STK31: variants seen among roughly 807,000 people sequenced by gnomAD.
The protein encoded by STK31 is serine/threonine-protein kinase 31.
STK31 carries 89 observed loss-of-function variants against 129.7 expected under a neutral mutation model. The ratio of observed to expected loss-of-function variants is 0.69; its 90% CI spans 0.58 to 0.82. The LOEUF is 0.82. Ranked by LOEUF, STK31 falls within the 40% of genes least tolerant of loss-of-function variation. The pLI, the probability that STK31 is intolerant of heterozygous loss-of-function variation, is 0.00. For synonymous variants in STK31, 448 were observed against 395.3 expected (o/e 1.13, Z -1.58); for missense variants, 1,187 against 1,176.4 (o/e 1.01, Z -0.13).
chr7:23,785,250 TA>T (rs1031898738), intron 17 of STK31, among the ~76,000 whole-genome samples: 24 of 152,142 alleles, frequency 1.6e-4, no homozygotes, highest in African/African-American at 5.3e-4. Flanking sequence ...GAATCTGTTC[TA>T]AAATTATAGC....
chr7:23,774,191 A>G (rs771101140), intron 15 of STK31, among the ~76,000 whole-genome samples: 3 of 152,120 alleles, frequency 2.0e-5, no homozygotes, highest in African/African-American at 4.8e-5. Context: ...TTGATGGGCA[A>G]CTGGGTTTGT....
chr7:23,730,438 C>T (rs924324936), intron 6 of STK31, among the ~76,000 whole-genome samples: 20 of 151,936 alleles, frequency 1.3e-4, no homozygotes, highest in Non-Finnish European at 2.2e-4. Flanking sequence ...AAAATTACAC[C>T]CCAAGTTTCT....
intron 8 of STK31, among the ~76,000 whole-genome samples, chr7:23,742,880 G>C (rs1426406575): frequency 6.6e-6 from 1 of 150,384 alleles, no homozygotes; most frequent in Non-Finnish European, 1.5e-5. Flanking sequence ...GGTTTGGTGT[G>C]TTTCTGTAGT....
At chr7:23,804,043 T>C (rs1025135659) in intron 22 of STK31, among the ~76,000 whole-genome samples, 10 of 152,156 alleles carry the variant, frequency 6.6e-5, no homozygotes, top group Admixed American at 2.0e-4. Flanking sequence ...AGAAGTTGAA[T>C]ATAAAGAAGA....
At chr7:23,802,779 G>A (rs1457744663) in intron 22 of STK31, among the ~76,000 whole-genome samples, 1 of 152,178 alleles carries the variant, frequency 6.6e-6, no homozygotes, top group Non-Finnish European at 1.5e-5. Flanking sequence ...CTCTCAAAGT[G>A]CTGGGATTAC....
chr7:23,731,523 A>T (rs1403223936), intron 6 of STK31, among the ~76,000 whole-genome samples: 1 of 152,228 alleles, frequency 6.6e-6, no homozygotes, highest in African/African-American at 2.4e-5. Flanking sequence ...TTAGATGAGC[A>T]TTAGTTTATC....
chr7:23,723,558 A>C (rs1156765837), intron 4 of STK31, among the ~76,000 whole-genome samples: 1 of 152,236 alleles, frequency 6.6e-6, no homozygotes. Context: ...AAGTGTCAGT[A>C]ATTAAGTGAT....
intron 6 of STK31, among the ~76,000 whole-genome samples, chr7:23,730,887 T>A (rs1456531972): frequency 1.6e-4 from 21 of 127,438 alleles, no homozygotes; most frequent in African/African-American, 5.8e-4. Context: ...TATTTTTTTT[T>A]TTTTTTTTTG....
chr7:23,780,392 C>T (rs1385027608), intron 15 of STK31, among the ~76,000 whole-genome samples: 1 of 152,140 alleles, frequency 6.6e-6, no homozygotes, highest in Non-Finnish European at 1.5e-5. Context: ...GTTAAGGATG[C>T]ATGCCTGGGA....
At chr7:23,779,531 C>T (rs1790776857) in intron 15 of STK31, among the ~76,000 whole-genome samples, 1 of 152,178 alleles carries the variant, frequency 6.6e-6, no homozygotes, top group Non-Finnish European at 1.5e-5. Context: ...TTCAGAGATG[C>T]CCTGCCCAGA....
chr7:23,718,742 C>T (rs1342988221), intron 4 of STK31, among the ~76,000 whole-genome samples: 1 of 151,974 alleles, frequency 6.6e-6, no homozygotes, highest in Admixed American at 6.6e-5. Context: ...TCGATCTGTT[C>T]TCCTTTGATG....
chr7:23,794,327 T>C (rs570447796), intron 22 of STK31, among the ~76,000 whole-genome samples: 5 of 152,188 alleles, frequency 3.3e-5, no homozygotes, highest in African/African-American at 1.2e-4. Context: ...GCTGCCCCCA[T>C]GTGAAGAAGA....
chr7:23,789,577 A>G (rs1167592662), intron 21 of STK31, among the ~76,000 whole-genome samples: 3 of 152,134 alleles, frequency 2.0e-5, no homozygotes, highest in South Asian at 2.1e-4. Flanking sequence ...AAGATGAGAA[A>G]ATGAAACTGC....
intron 5 of STK31, among the ~76,000 whole-genome samples, chr7:23,727,966 T>C (rs998939707): frequency 2.0e-5 from 3 of 152,036 alleles, no homozygotes; most frequent in Non-Finnish European, 2.9e-5. Flanking sequence ...TCTTCTGAAG[T>C]TAGGTATATC....
intron 6 of STK31, among the ~76,000 whole-genome samples, chr7:23,730,665 A>G (rs1247657677): frequency 6.6e-6 from 1 of 151,684 alleles, no homozygotes; most frequent in Non-Finnish European, 1.5e-5. Context: ...GGGAAGAGCT[A>G]GGCCTAGAAC....
chr7:23,750,456 G>A (rs1788645561), intron 8 of STK31, among the ~76,000 whole-genome samples: 1 of 152,156 alleles, frequency 6.6e-6, no homozygotes, highest in Non-Finnish European at 1.5e-5. Flanking sequence ...ATATGTGTTA[G>A]GATGGCATAG....
chr7:23,811,967 A>G (rs551706338), intron 22 of STK31, among the ~76,000 whole-genome samples: 3 of 152,302 alleles, frequency 2.0e-5, no homozygotes, highest in South Asian at 2.1e-4. Context: ...GGATCATCAT[A>G]TATGATTAGA....
intron 10 of STK31, among the ~76,000 whole-genome samples, chr7:23,759,712 A>C (rs377018007): frequency 6.6e-6 from 1 of 152,178 alleles, no homozygotes. Flanking sequence ...AAATATTTCA[A>C]CTGTGTTACT....
At chr7:23,730,878 A>ATATTTTTT in intron 6 of STK31, among the ~76,000 whole-genome samples, 2 of 59,552 alleles carry the variant, frequency 3.4e-5, no homozygotes, top group African/African-American at 1.2e-4. Flanking sequence ...ATATATATAT[A>ATATTTTTT]TTTTTTTTTT....
Sources: gnomAD v4.1 joint callset for allele counts (sites outside exome capture counted in the v4.1 genomes callset) on GRCh38, gnomAD v4.1.1 for gene constraint, MANE v1.5 for transcripts, NCBI Gene and HGNC (gene_info 2026-07-23, HGNC 2026-07-21) for gene names.